Variants in DPP6 observed in about 807,000 individuals in gnomAD.
DPP6 encodes dipeptidyl peptidase like 6, also known as A-type potassium channel modulatory protein DPP6.
In DPP6, 69 loss-of-function variants were observed where a neutral mutation model predicts 122.6. The ratio of observed to expected loss-of-function variants is 0.56; its 90% CI spans 0.46 to 0.69. The LOEUF (loss-of-function observed/expected upper bound fraction) is 0.69, where lower values mean the gene tolerates loss of function less well. Among genes scored for constraint, DPP6 ranks in the 30% least tolerant of loss-of-function variants. DPP6 has a pLI of 0.00. For missense variants in DPP6, 928 were observed against 1,116.9 expected, an observed-to-expected ratio of 0.83 and a Z score of 2.41; for synonymous variants, 418 against 433.1, an observed-to-expected ratio of 0.97 and a Z score of 0.43.
chr7:154,811,419 A>G (rs1799053110), intron 16 of DPP6, among the ~76,000 whole-genome samples: 1 of 152,168 alleles, frequency 6.6e-6, no homozygotes, highest in Admixed American at 6.6e-5. Context: ...ATCTTAAAGG[A>G]GAAAGTGATT....
chr7:154,136,845 A>G (rs1480941735), intron 1 of DPP6, among the ~76,000 whole-genome samples: 3 of 152,280 alleles, frequency 2.0e-5, no homozygotes, highest in Non-Finnish European at 4.4e-5. Flanking sequence ...ATATTTGCAG[A>G]AATGGCTGCA....
chr7:154,305,618 G>T (rs1307659303), intron 1 of DPP6: 1 of 1,542,320 alleles, frequency 6.5e-7, no homozygotes, highest in Admixed American at 2.0e-5. Context: ...ATATGTGTGT[G>T]CATGAGAGAG....
chr7:154,813,335 G>A (rs552275801), intron 16 of DPP6, among the ~76,000 whole-genome samples: 3 of 151,798 alleles, frequency 2.0e-5, no homozygotes, highest in South Asian at 2.1e-4. Context: ...TGCCCACCTC[G>A]GCCTCCCAAA....
the DPP6 span, among the ~76,000 whole-genome samples, chr7:153,789,666 T>C: frequency 6.6e-6 from 1 of 152,134 alleles, no homozygotes; most frequent in Non-Finnish European, 1.5e-5. Flanking sequence ...TCACCTTAAT[T>C]AACAGAGATA....
intron 1 of DPP6, among the ~76,000 whole-genome samples, chr7:154,311,506 A>G (rs1029498932): frequency 4.6e-5 from 7 of 152,050 alleles, no homozygotes; most frequent in East Asian, 1.9e-4. Context: ...CCACAAAAAA[A>G]AAAAAGAAAA....
In DPP6 at chr7:154,605,146, C is replaced by T. The variant is rs889877295; in HGVS notation, c.628-32675C>T. On this transcript the variant is annotated intron_variant, in intron 5 of 25. Coordinates refer to ENST00000377770, the MANE Select transcript of DPP6 (RefSeq NM_130797.4). ...ATTTTTCTTTGCATATAGAGGTGATCGTATTGTTCCTTTTTGTTTAATCTA... is the reference window on the plus strand; with the variant it reads ...ATTTTTCTTTGCATATAGAGGTGATTGTATTGTTCCTTTTTGTTTAATCTA... Among the ~76,000 whole-genome samples, 2 of 118,506 alleles carry T rather than the reference C, an allele frequency of 1.7e-5. 1 individual carries two copies. The highest frequency in any genetic ancestry group is 1.9e-4 in the Admixed American group (2 of 10,392). 77.7% of individuals were successfully genotyped at this position (118,506 alleles called of 152,430 possible). A position where few individuals can be genotyped will look rare whatever the true frequency, so the allele number is the denominator to read the frequency against.
upstream of DPP6, among the ~76,000 whole-genome samples, chr7:154,052,155 G>C (rs552603024): frequency 5.9e-3 from 841 of 143,484 alleles, 23 homozygotes; most frequent in East Asian, 9.0e-3. This position sits in a 1 kb window ranked among gnomAD's most constrained non-coding sequence, Gnocchi z 4.8. Flanking sequence ...GCAGCACCCT[G>C]AGCTCCCGGG....
At chr7:154,350,267 G>A (rs1016046367) in intron 1 of DPP6, among the ~76,000 whole-genome samples, 11 of 152,154 alleles carry the variant, frequency 7.2e-5, no homozygotes, top group African/African-American at 2.7e-4. Context: ...CTGAGACACT[G>A]GTGTAAGGTT....
rs940841 is a variant in DPP6, at chr7:154,828,370, G to T, written c.1666+21258G>T. On this transcript the variant is annotated intron_variant, in intron 16 of 25. Transcript: ENST00000377770. ...ACAAAAATGAATAAACTGTGTGCCTGGCAAAGGAATTGAGCGTGAAGGTCA... is the reference window on the plus strand; with the variant it reads ...ACAAAAATGAATAAACTGTGTGCCTTGCAAAGGAATTGAGCGTGAAGGTCA... Among the ~76,000 whole-genome samples, 215 of 152,062 alleles carry T rather than the reference G, an allele frequency of 1.4e-3. 1 individual carries two copies. Among genetic ancestry groups the T allele is most frequent in the African/African-American group, 5.1e-3 (210 of 41,424 alleles).
At chr7:154,489,711 T>A (rs1256096098) in intron 3 of DPP6, among the ~76,000 whole-genome samples, 1 of 151,948 alleles carries the variant, frequency 6.6e-6, no homozygotes, top group Non-Finnish European at 1.5e-5. Flanking sequence ...TATTTTGGGA[T>A]CCTCTGAAAT....
At chr7:153,844,099 G>A in the DPP6 span, among the ~76,000 whole-genome samples, 9 of 152,102 alleles carry the variant, frequency 5.9e-5, no homozygotes, top group South Asian at 1.2e-3. Flanking sequence ...CTGACTGCAC[G>A]TCTGTTCATA....
chr7:154,575,460 G>GATA (rs1831564068), intron 5 of DPP6, among the ~76,000 whole-genome samples: 39 of 12,376 alleles, frequency 3.2e-3, no homozygotes, highest in African/African-American at 0.019. Context: ...ATGTGTGTGN[G>GATA]CGGGTGTATG....
intron 2 of DPP6, among the ~76,000 whole-genome samples, chr7:154,473,244 G>A (rs939231886): frequency 5.3e-5 from 8 of 152,076 alleles, no homozygotes; most frequent in East Asian, 1.9e-4. Flanking sequence ...ATTTATTGTC[G>A]TGTATATGGA....
chr7:154,696,733 G>A lies in DPP6; in HGVS notation c.762+27292G>A, dbSNP rs551978936. 2.0e-5 allele frequency among the ~76,000 whole-genome samples: 3 copies of A among 152,316 alleles called. No individual in the cohort carries two copies. In the South Asian group the frequency reaches 6.2e-4, roughly 32 times the overall value. On this transcript the variant is annotated intron_variant, in intron 7 of 25. Transcript: ENST00000377770. ...AGCGCCCACCTCATGGGCTTATGAG[G>A]ATGTGACTCATACTATGCGTGATGC...
intron 1 of DPP6, among the ~76,000 whole-genome samples, chr7:154,337,865 G>A (rs1203063053): frequency 1.3e-5 from 2 of 152,250 alleles, no homozygotes; most frequent in Non-Finnish European, 2.9e-5. Flanking sequence ...GGGTGCTCCT[G>A]AAGGATTTGT....
intron 1 of DPP6, among the ~76,000 whole-genome samples, chr7:154,214,736 G>C (rs1460091286): frequency 6.6e-6 from 1 of 152,192 alleles, no homozygotes; most frequent in African/African-American, 2.4e-5. Context: ...GGGAAACATA[G>C]TGAGACCCGT....
intron 10 of DPP6, among the ~76,000 whole-genome samples, chr7:154,789,349 A>G (rs1390362541): frequency 6.6e-6 from 1 of 152,206 alleles, no homozygotes; most frequent in African/African-American, 2.4e-5. Flanking sequence ...TGACTTTCCA[A>G]ATCTGTGGCT....
intron 7 of DPP6, among the ~76,000 whole-genome samples, chr7:154,699,887 G>T (rs1349893134): frequency 1.3e-5 from 2 of 152,160 alleles, no homozygotes. Context: ...TTCTGACGAG[G>T]GGAGTCTTCA....
At chr7:153,888,592 C>T (rs1428410410) in intron 1 of DPP6, among the ~76,000 whole-genome samples, 2 of 152,140 alleles carry the variant, frequency 1.3e-5, no homozygotes, top group Non-Finnish European at 2.9e-5. Context: ...AGAGAGTTGC[C>T]ATCTTGTTCT....
Sources: gnomAD v4.1 joint callset for allele counts (sites outside exome capture counted in the v4.1 genomes callset) on GRCh38, gnomAD v4.1.1 for gene constraint, Gnocchi (gnomAD v3.1) non-coding constraint, MANE v1.5 for transcripts, NCBI Gene and HGNC (gene_info 2026-07-23, HGNC 2026-07-21) for gene names.